FIRRM: variants seen among roughly 807,000 people sequenced by gnomAD.
FIRRM encodes the protein FIGNL1-interacting regulator of recombination and mitosis.
the FIRRM span, chr1:169,851,032 T>G: frequency 2.3e-5 from 1 of 43,598 alleles, no homozygotes; most frequent in Admixed American, 3.1e-4. Flanking sequence ...CAAGCCAGGG[T>G]AAGCTCAGGG....
the FIRRM span, among the ~76,000 whole-genome samples, chr1:169,842,174 CA>C: frequency 0.013 from 1,071 of 83,894 alleles, 7 homozygotes; most frequent in African/African-American, 0.036. Flanking sequence ...GATGCCATCT[CA>C]AAAAAAAAAA....
At chr1:169,792,573 T>C in the FIRRM span, 1 of 1,519,020 alleles carries the variant, frequency 6.6e-7, no homozygotes, top group Non-Finnish European at 8.8e-7. Flanking sequence ...TCAGTGAATG[T>C]TAATTAACCA....
chr1:169,811,821 CTATCTAAATAGATAATAGAT>C, the FIRRM span, among the ~76,000 whole-genome samples: 1,042 of 145,302 alleles, frequency 7.2e-3, 89 homozygotes, highest in East Asian at 0.11. Flanking sequence ...GACAGATTAT[CTATCTAAATAGATAATAGAT>C]TATCTAAATA....
the FIRRM span, among the ~76,000 whole-genome samples, chr1:169,810,855 T>TA: frequency 9.0e-6 from 1 of 111,138 alleles, no homozygotes; most frequent in Non-Finnish European, 1.9e-5. Context: ...TTTTTTTTTT[T>TA]TTTTTTTTTT....
the FIRRM span, chr1:169,843,772 A>G: frequency 6.4e-7 from 1 of 1,550,696 alleles, no homozygotes; most frequent in Non-Finnish European, 8.9e-7. Flanking sequence ...TACTTCAGGT[A>G]AGAATAATGA....
At chr1:169,842,606 GA>G in the FIRRM span, 4 of 1,565,600 alleles carry the variant, frequency 2.6e-6, no homozygotes, top group South Asian at 4.8e-5. Context: ...GGATTGTACT[GA>G]AATTTTCCAG....
the FIRRM span, among the ~76,000 whole-genome samples, chr1:169,814,769 T>A: frequency 6.6e-6 from 1 of 152,180 alleles, no homozygotes; most frequent in African/African-American, 2.4e-5. Flanking sequence ...GCTCTTTTTA[T>A]TAGTAAGGCT....
At chr1:169,805,923 C>A in the FIRRM span, 1 of 746,428 alleles carries the variant, frequency 1.3e-6, no homozygotes, top group Non-Finnish European at 2.3e-6. Context: ...TGAAATTGTT[C>A]AGTAGATAGT....
the FIRRM span, chr1:169,796,097 A>AT: frequency 2.4e-6 from 1 of 419,998 alleles, no homozygotes; most frequent in Non-Finnish European, 3.2e-6. Flanking sequence ...CTGCACAAAT[A>AT]TTGTGCAGCT....
At chr1:169,785,536 AG>A in the FIRRM span, among the ~76,000 whole-genome samples, 1 of 151,952 alleles carries the variant, frequency 6.6e-6, no homozygotes, top group East Asian at 1.9e-4. Context: ...ATTCTCCTGG[AG>A]TTTGGCTGTC....
the FIRRM span, among the ~76,000 whole-genome samples, chr1:169,840,605 G>C: frequency 6.6e-6 from 1 of 151,574 alleles, no homozygotes; most frequent in South Asian, 2.1e-4. Context: ...CTGCCTCCTG[G>C]GTTCCTGCCA....
At chr1:169,842,303 C>T in the FIRRM span, 15 of 979,874 alleles carry the variant, frequency 1.5e-5, no homozygotes, top group East Asian at 4.0e-4. Context: ...TATTATTCTA[C>T]ATGGACTTTA....
chr1:169,821,276 C>T, the FIRRM span, among the ~76,000 whole-genome samples: 1 of 151,926 alleles, frequency 6.6e-6, no homozygotes, highest in Non-Finnish European at 1.5e-5. Context: ...GTTTTTATGT[C>T]TTTACCTGTT....
At chr1:169,799,050 T>G in the FIRRM span, 21 of 476,354 alleles carry the variant, frequency 4.4e-5, no homozygotes, top group African/African-American at 4.2e-4. Context: ...CAGTTTTGTA[T>G]TCCCTTGAAA....
the FIRRM span, chr1:169,843,576 C>T: frequency 1.4e-6 from 1 of 710,756 alleles, no homozygotes; most frequent in South Asian, 1.7e-5. Context: ...AAATACTTAA[C>T]ATATTACCTG....
At chr1:169,789,386 G>A in the FIRRM span, among the ~76,000 whole-genome samples, 1 of 152,176 alleles carries the variant, frequency 6.6e-6, no homozygotes, top group African/African-American at 2.4e-5. Context: ...CCACCCCACA[G>A]ACCCTATAGC....
the FIRRM span, chr1:169,803,454 T>A: frequency 1.1e-6 from 1 of 900,614 alleles, no homozygotes; most frequent in Non-Finnish European, 1.5e-6. Flanking sequence ...TGTAAGTAAA[T>A]AATTGTTGCA....
the FIRRM span, chr1:169,853,104 C>CTTTA: frequency 1.6e-5 from 15 of 926,876 alleles, no homozygotes; most frequent in African/African-American, 2.5e-4. Context: ...TGAAAATAAT[C>CTTTA]TTTATTTGAC....
chr1:169,839,393 A>C, the FIRRM span, among the ~76,000 whole-genome samples: 4 of 152,166 alleles, frequency 2.6e-5, no homozygotes, highest in South Asian at 2.1e-4. Flanking sequence ...ACAGTATATA[A>C]GCATTTACTT....
Sources: allele counts gnomAD v4.1 joint callset (sites outside exome capture counted in the v4.1 genomes callset), GRCh38; gene constraint gnomAD v4.1.1; transcripts MANE v1.5; gene names NCBI Gene and HGNC (gene_info 2026-07-23, HGNC 2026-07-21).